CNTN4: variants seen among roughly 807,000 people sequenced by gnomAD.
CNTN4 encodes contactin 4.
Under a neutral mutation model 122.5 loss-of-function variants are expected in CNTN4, and 77 were observed. The observed-to-expected ratio is 0.63, with a 90% CI of 0.52 to 0.76. The LOEUF is 0.76. Among genes scored for constraint, CNTN4 ranks in the 30% least tolerant of loss-of-function variants. The pLI, the probability that CNTN4 is intolerant of heterozygous loss-of-function variation, is 0.00. For missense variants in CNTN4, 1,256 were observed against 1,259.1 expected (o/e 1.00, Z 0.04); for synonymous variants, 512 against 447.0 (o/e 1.15, Z -1.83).
chr3:2,777,068 C>T (rs1195581259), intron 6 of CNTN4, among the ~76,000 whole-genome samples: 1 of 152,128 alleles, frequency 6.6e-6, no homozygotes, highest in African/African-American at 2.4e-5. Context: ...GCAACCTCTG[C>T]CTCCCAGGTT....
chr3:2,122,027 C>T (rs1378436986), intron 2 of CNTN4, among the ~76,000 whole-genome samples: 2 of 143,288 alleles, frequency 1.4e-5, no homozygotes, highest in Non-Finnish European at 3.1e-5. Flanking sequence ...GTGGTGGCGG[C>T]GCCTGTAGTC....
intron 3 of CNTN4, among the ~76,000 whole-genome samples, chr3:2,360,670 G>A (rs970325882): frequency 2.0e-5 from 3 of 152,158 alleles, no homozygotes; most frequent in Non-Finnish European, 4.4e-5. Context: ...TCTTCACAGG[G>A]AAGCAGGAAG....
intron 13 of CNTN4, among the ~76,000 whole-genome samples, chr3:2,987,821 T>A (rs1438143936): frequency 6.6e-6 from 1 of 152,162 alleles, no homozygotes; most frequent in African/African-American, 2.4e-5. Context: ...AATATTTTAA[T>A]TTTTTTTAAG....
At chr3:2,663,008 A>G (rs1471419731) in intron 4 of CNTN4, among the ~76,000 whole-genome samples, 2 of 152,114 alleles carry the variant, frequency 1.3e-5, no homozygotes, top group South Asian at 2.1e-4. Context: ...AGGCTGAGGC[A>G]GGAGAATCGC....
chr3:2,752,318 CA>C (rs1559465627), intron 6 of CNTN4, among the ~76,000 whole-genome samples: 1 of 152,144 alleles, frequency 6.6e-6, no homozygotes, highest in African/African-American at 2.4e-5. Context: ...TGGGAACATG[CA>C]AAATTCTCTC....
At chr3:2,929,682 C>G (rs1195631327) in intron 13 of CNTN4, among the ~76,000 whole-genome samples, 1 of 152,186 alleles carries the variant, frequency 6.6e-6, no homozygotes, top group Non-Finnish European at 1.5e-5. Flanking sequence ...ACAGGCTCTC[C>G]TCTCCTGCTA....
intron 2 of CNTN4, among the ~76,000 whole-genome samples, chr3:2,160,617 C>G (rs2035922183): frequency 6.6e-6 from 1 of 152,180 alleles, no homozygotes; most frequent in Non-Finnish European, 1.5e-5. Context: ...CTGCATCTCT[C>G]ATAATCATCA....
At chr3:2,962,643 A>G (rs2094873357) in intron 13 of CNTN4, among the ~76,000 whole-genome samples, 1 of 152,190 alleles carries the variant, frequency 6.6e-6, no homozygotes, top group Non-Finnish European at 1.5e-5. Flanking sequence ...CTGCTGTTCC[A>G]GGAGGAAGGA....
At chr3:2,471,547 C>T (rs1190420260) in intron 3 of CNTN4, among the ~76,000 whole-genome samples, 3 of 152,158 alleles carry the variant, frequency 2.0e-5, no homozygotes, top group East Asian at 1.9e-4. Context: ...ATTTCCCTTC[C>T]GAAATAGTTA....
chr3:3,030,949 C>T lies in CNTN4; in HGVS notation c.1757C>T (p.Ser586Phe). The T allele has an allele frequency of 6.2e-7, 1 of 1,614,050 alleles. No homozygotes were observed. Among genetic ancestry groups the T allele is most frequent in the Non-Finnish European group, 8.5e-7 (1 of 1,179,912 alleles). ...GTCCAAACAAGTGTGGACAGGCTAT[C>T]TGCTGCTGCAGACCTGATTGTAAGA... ...CMVQTSVDRL[S>F]AAADLIVRGP... The change falls in exon 16 of 25, where the codon TCT (serine) becomes TTT (phenylalanine). Residue 586 changes from serine to phenylalanine, a missense_variant. Ser to Phe is a radical substitution (Grantham distance 155). Transcript: ENST00000418658.
intron 6 of CNTN4, among the ~76,000 whole-genome samples, chr3:2,801,483 T>A (rs1289508388): frequency 6.6e-6 from 1 of 152,214 alleles, no homozygotes; most frequent in African/African-American, 2.4e-5. Flanking sequence ...CACACATCAC[T>A]GTAGGCACAG....
intron 6 of CNTN4, among the ~76,000 whole-genome samples, chr3:2,777,115 G>A (rs918479692): frequency 3.3e-5 from 5 of 152,020 alleles, no homozygotes; most frequent in African/African-American, 1.2e-4. Flanking sequence ...CAAGCAGCAG[G>A]GATTCTAGGC....
At chr3:2,478,908 A>G (rs145659171) in intron 3 of CNTN4, among the ~76,000 whole-genome samples, 1 of 152,034 alleles carries the variant, frequency 6.6e-6, no homozygotes, top group Non-Finnish European at 1.5e-5. Context: ...AGCCCTAATT[A>G]TATTATATTT....
intron 14 of CNTN4, among the ~76,000 whole-genome samples, chr3:3,007,379 C>G (rs980579645): frequency 6.6e-6 from 1 of 152,182 alleles, no homozygotes; most frequent in Non-Finnish European, 1.5e-5. Flanking sequence ...TTAACCCTCC[C>G]TGTAAGATTA....
chr3:2,747,947 A>G (rs2089885938), intron 6 of CNTN4, among the ~76,000 whole-genome samples: 1 of 152,074 alleles, frequency 6.6e-6, no homozygotes, highest in African/African-American at 2.4e-5. Flanking sequence ...TACTTTAAAG[A>G]TGCTGGTTAC....
intron 24 of CNTN4, 133 bp downstream of exon 24, chr3:3,054,108 T>C: frequency 1.1e-6 from 1 of 946,022 alleles, no homozygotes; most frequent in Non-Finnish European, 1.7e-6. Flanking sequence ...CTACCCCCCT[T>C]CTCCAGATGT....
chr3:2,905,148 A>C (rs1006086589), intron 12 of CNTN4, among the ~76,000 whole-genome samples: 2 of 152,172 alleles, frequency 1.3e-5, no homozygotes, highest in African/African-American at 4.8e-5. Flanking sequence ...TTTTACATTA[A>C]GGAGTTTATT....
At chr3:2,482,635 C>G (rs2076037906) in intron 3 of CNTN4, among the ~76,000 whole-genome samples, 1 of 152,148 alleles carries the variant, frequency 6.6e-6, no homozygotes, top group South Asian at 2.1e-4. Context: ...GGAACCCCTG[C>G]TTTATGCAGC....
At chr3:2,673,383 C>G (rs2084650824) in intron 4 of CNTN4, among the ~76,000 whole-genome samples, 2 of 152,122 alleles carry the variant, frequency 1.3e-5, no homozygotes, top group South Asian at 4.1e-4. Flanking sequence ...CTGAATTCCT[C>G]CTATACAGAA....
Sources: gnomAD v4.1 joint callset for allele counts (sites outside exome capture counted in the v4.1 genomes callset) on GRCh38, gnomAD v4.1.1 for gene constraint, MANE v1.5 for transcripts, NCBI Gene and HGNC (gene_info 2026-07-23, HGNC 2026-07-21) for gene names.